SDCCAG8: variants seen among roughly 807,000 people sequenced by gnomAD.
SDCCAG8 encodes serologically defined colon cancer antigen 8.
SDCCAG8 carries 74 observed loss-of-function variants against 101.8 expected under a neutral mutation model. The ratio of observed to expected loss-of-function variants is 0.73; its 90% CI spans 0.60 to 0.88. The LOEUF (loss-of-function observed/expected upper bound fraction) is 0.88, where lower values mean the gene tolerates loss of function less well. Among genes scored for constraint, SDCCAG8 ranks in the 40% least tolerant of loss-of-function variants. The pLI, the probability that SDCCAG8 is intolerant of heterozygous loss-of-function variation, is 0.00. For missense variants in SDCCAG8, 787 were observed against 822.6 expected (o/e 0.96, Z 0.53); for synonymous variants, 281 against 292.9 (o/e 0.96, Z 0.41).
intron 16 of SDCCAG8, among the ~76,000 whole-genome samples, chr1:243,470,288 C>G (rs1660976130): frequency 1.3e-5 from 2 of 152,120 alleles, no homozygotes; most frequent in African/African-American, 4.8e-5. Flanking sequence ...CCTAAAGCAT[C>G]CTGGCCGTCA....
At chr1:243,426,850 A>G (rs955779177) in intron 16 of SDCCAG8, among the ~76,000 whole-genome samples, 3 of 152,206 alleles carry the variant, frequency 2.0e-5, no homozygotes, top group Non-Finnish European at 4.4e-5. Context: ...AGTTGGTAAT[A>G]TTGTAATATG....
At chr1:243,400,978 A>C (rs953896326) in intron 13 of SDCCAG8, among the ~76,000 whole-genome samples, 4 of 152,310 alleles carry the variant, frequency 2.6e-5, no homozygotes, top group Middle Eastern at 3.4e-3. Context: ...GGAGCAACTC[A>C]TGGGCAATAA....
intron 13 of SDCCAG8, among the ~76,000 whole-genome samples, chr1:243,390,551 G>T (rs1045517363): frequency 2.0e-5 from 3 of 152,178 alleles, no homozygotes; most frequent in Non-Finnish European, 4.4e-5. Flanking sequence ...ATGTGTGTTT[G>T]CAGGTTCTGC....
At chr1:243,318,555 G>A in intron 9 of SDCCAG8, 3 of 985,316 alleles carry the variant, frequency 3.0e-6, no homozygotes, top group Non-Finnish European at 2.4e-6. Context: ...TAAGCCTCTT[G>A]TCAGCCATTG....
intron 17 of SDCCAG8, among the ~76,000 whole-genome samples, chr1:243,492,898 C>T (rs2148290721): frequency 6.6e-6 from 1 of 152,268 alleles, no homozygotes; most frequent in East Asian, 1.9e-4. Flanking sequence ...TGAGCTTTGC[C>T]CGGCCTCTTG....
intron 17 of SDCCAG8, 132 bp from the exon 18 acceptor site, chr1:243,499,624 A>T: frequency 1.3e-6 from 1 of 756,042 alleles, no homozygotes; most frequent in Non-Finnish European, 2.3e-6. Context: ...TATAATTTCC[A>T]CATTTTTAGC....
At position 243,307,938 on chromosome 1, in the gene SDCCAG8, TC is replaced by T. The variant is rs2072322687; in HGVS notation, c.741-50del. 3 of 1,607,318 alleles carry T rather than the reference TC, an allele frequency of 1.9e-6. No individual in the cohort carries two copies. In the East Asian group the frequency reaches 6.7e-5, roughly 36 times the overall value. On this transcript the variant is annotated intron_variant, in intron 7 of 17. Transcript: ENST00000366541. ...AACATTATGATGATTCATTTTAAAG[TC>T]ATGTAATTTTACCTGGCCATTTTCT...
At chr1:243,498,127 G>A (rs1433469749) in intron 17 of SDCCAG8, among the ~76,000 whole-genome samples, 4 of 152,230 alleles carry the variant, frequency 2.6e-5, no homozygotes, top group Non-Finnish European at 5.9e-5. Flanking sequence ...TGGAGCAGGG[G>A]TGGAGGGCCA....
intron 12 of SDCCAG8, among the ~76,000 whole-genome samples, chr1:243,353,297 C>CCTG: frequency 6.6e-6 from 1 of 151,500 alleles, no homozygotes; most frequent in Non-Finnish European, 1.5e-5. Context: ...TCGAGGCCAG[C>CCTG]CTGGCCAACG....
At chr1:243,278,294 C>T (rs968565653) in intron 4 of SDCCAG8, among the ~76,000 whole-genome samples, 2 of 152,160 alleles carry the variant, frequency 1.3e-5, no homozygotes, top group African/African-American at 4.8e-5. Context: ...AGTCTTAGCT[C>T]ACTACATCCT....
chr1:243,415,097 G>A (rs143141622), intron 13 of SDCCAG8, among the ~76,000 whole-genome samples: 3 of 152,222 alleles, frequency 2.0e-5, no homozygotes, highest in East Asian at 1.9e-4. Context: ...TGTGACCCAC[G>A]AGGGATTTTA....
intron 6 of SDCCAG8, among the ~76,000 whole-genome samples, chr1:243,300,625 T>G (rs1426700339): frequency 6.6e-6 from 1 of 152,172 alleles, no homozygotes; most frequent in Admixed American, 6.5e-5. Context: ...ACATTTTACA[T>G]TCCTGTGATA....
intron 16 of SDCCAG8, among the ~76,000 whole-genome samples, chr1:243,482,925 G>C (rs1664036933): frequency 6.6e-6 from 1 of 152,214 alleles, no homozygotes; most frequent in African/African-American, 2.4e-5. Context: ...TGGAGGGCGT[G>C]TGTGGTTCGC....
rs146791817 is a variant in SDCCAG8, at chr1:243,402,116, C to T, written c.1617-13586C>T. ...AACCACACATGTCATTTAAAATTTT[C>T]AAATAACCACATTTTAAAAAGTAAA... On this transcript the variant is annotated intron_variant, in intron 13 of 17. Coordinates refer to ENST00000366541, the MANE Select transcript of SDCCAG8 (RefSeq NM_006642.5). Among the ~76,000 whole-genome samples the T allele has an allele frequency of 6.0e-3, 911 of 152,172 alleles. 16 individuals carry two copies. The highest frequency in any genetic ancestry group is 0.02 in the African/African-American group (832 of 41,520).
At chr1:243,430,701 G>C (rs1434212393) in intron 16 of SDCCAG8, among the ~76,000 whole-genome samples, 1 of 151,948 alleles carries the variant, frequency 6.6e-6, no homozygotes, top group Non-Finnish European at 1.5e-5. Flanking sequence ...GCCTCCCAAA[G>C]TGCTGGGATT....
At chr1:243,356,240 T>C (rs1016150623) in intron 12 of SDCCAG8, among the ~76,000 whole-genome samples, 1 of 152,222 alleles carries the variant, frequency 6.6e-6, no homozygotes, top group Non-Finnish European at 1.5e-5. Context: ...TCTATATATC[T>C]TATTAATCTA....
chr1:243,343,940 G>T (rs1227597865), intron 11 of SDCCAG8, among the ~76,000 whole-genome samples: 1 of 152,158 alleles, frequency 6.6e-6, no homozygotes, highest in Non-Finnish European at 1.5e-5. Flanking sequence ...ATATGCAATT[G>T]AAACTGTTAT....
chr1:243,486,215 A>AAG (rs1252097397), intron 16 of SDCCAG8, among the ~76,000 whole-genome samples: 1 of 151,814 alleles, frequency 6.6e-6, no homozygotes, highest in East Asian at 1.9e-4. Context: ...AAAAAAAAAA[A>AAG]AAAAAAAAAA....
At chr1:243,304,064 C>T (rs928613745) in intron 6 of SDCCAG8, among the ~76,000 whole-genome samples, 3 of 142,726 alleles carry the variant, frequency 2.1e-5, no homozygotes, top group African/African-American at 7.7e-5. Context: ...TAGAGTGAGA[C>T]TCTGTCTCAA....
Sources: allele counts gnomAD v4.1 joint callset (sites outside exome capture counted in the v4.1 genomes callset), GRCh38; gene constraint gnomAD v4.1.1; transcripts MANE v1.5; gene names NCBI Gene and HGNC (gene_info 2026-07-23, HGNC 2026-07-21).